Variants in HPSE2 observed in about 807,000 individuals in gnomAD.
HPSE2 encodes the protein heparanase 2 (inactive).
A neutral mutation model predicts 60.5 loss-of-function variants in HPSE2; 38 were observed. The ratio of observed to expected loss-of-function variants is 0.63; its 90% CI spans 0.48 to 0.82. The LOEUF (loss-of-function observed/expected upper bound fraction) is 0.82, where lower values mean the gene tolerates loss of function less well. Ranked by LOEUF, HPSE2 falls within the 40% of genes least tolerant of loss-of-function variation. The probability of loss-of-function intolerance (pLI) is 0.00; values close to 1 mark genes in which losing one functional copy is unlikely to be tolerated. For synonymous variants in HPSE2, 295 were observed against 293.2 expected (o/e 1.01, Z -0.06); for missense variants, 713 against 740.4 (o/e 0.96, Z 0.43).
chr10:99,129,528 A>G (rs1263468853), intron 3 of HPSE2, among the ~76,000 whole-genome samples: 1 of 152,126 alleles, frequency 6.6e-6, no homozygotes, highest in Non-Finnish European at 1.5e-5. Context: ...CTGCTCTTGA[A>G]TGATCTTTGG....
intron 3 of HPSE2, among the ~76,000 whole-genome samples, chr10:98,913,388 T>C (rs1396620223): frequency 2.6e-5 from 4 of 152,226 alleles, no homozygotes; most frequent in Non-Finnish European, 5.9e-5. Flanking sequence ...AATAGAACTG[T>C]TGAGATCGAT....
rs200747591 is a variant in HPSE2, at chr10:99,235,753, C to A, written c.50G>T (p.Arg17Leu). 1.9e-6 allele frequency: 3 copies of A among 1,613,734 alleles called. No homozygotes were observed. The change falls in exon 1 of 12, where the codon CGC becomes CTC. Residue 17 changes from arginine (R) to leucine (L), a missense_variant. By Grantham distance (102) the Arg-to-Leu change is moderately radical. Transcript: ENST00000370552. ...CCCCGGGGCTAGGCACGCGGGGGGG[C>A]GGGAGTTGCTGGAGGGCATGGCTTC... is the stretch of plus-strand genomic sequence containing the variant. ...FPEAMPSSNS[R>L]PPACLAPGAL...
chr10:99,048,193 C>G lies in HPSE2; in HGVS notation c.610+96045G>C. The G allele has an allele frequency of 6.1e-6, 4 of 653,396 alleles. No homozygotes were observed. In the South Asian group the frequency reaches 6.2e-5, roughly 10 times the overall value. 40.5% of individuals were successfully genotyped at this position (653,396 alleles called of 1,614,324 possible). A position where few individuals can be genotyped will look rare whatever the true frequency, so the allele number is the denominator to read the frequency against. ...GATCTCTCGGTAAATATGGCATCAT[C>G]TGCACGGAGGATCTGATTCATGAGA... On this transcript the variant is annotated intron_variant, in intron 3 of 11. Transcript: ENST00000370552.
At chr10:99,029,350 G>A (rs1486306384) in intron 3 of HPSE2, among the ~76,000 whole-genome samples, 1 of 152,206 alleles carries the variant, frequency 6.6e-6, no homozygotes, top group Non-Finnish European at 1.5e-5. Context: ...CATGTGCGGT[G>A]ACGAGAGAGT....
At chr10:98,508,134 C>G (rs1227298846) in intron 9 of HPSE2, among the ~76,000 whole-genome samples, 3 of 152,108 alleles carry the variant, frequency 2.0e-5, no homozygotes, top group East Asian at 3.8e-4. Context: ...GAGACACAGA[C>G]AGACATTCTT....
At chr10:99,301,915 T>G in the HPSE2 span, among the ~76,000 whole-genome samples, 1 of 151,668 alleles carries the variant, frequency 6.6e-6, no homozygotes. Flanking sequence ...TGTAAAATTT[T>G]AAACCCTGCT....
At chr10:98,497,978 C>T (rs1941904963) in intron 9 of HPSE2, among the ~76,000 whole-genome samples, 1 of 152,114 alleles carries the variant, frequency 6.6e-6, no homozygotes, top group African/African-American at 2.4e-5. Context: ...TGAGTTTCTG[C>T]ATTAATTTGC....
intron 3 of HPSE2, among the ~76,000 whole-genome samples, chr10:98,781,037 T>C (rs1950453424): frequency 6.6e-6 from 1 of 152,012 alleles, no homozygotes; most frequent in Non-Finnish European, 1.5e-5. Context: ...CTAGAAACAA[T>C]GTCTCTGTGG....
At chr10:98,481,247 A>C (rs942799) in intron 11 of HPSE2, among the ~76,000 whole-genome samples, 103 of 152,348 alleles carry the variant, frequency 6.8e-4, no homozygotes, top group African/African-American at 2.5e-3. Flanking sequence ...TGATCCTCAG[A>C]AAATCACACC....
At chr10:98,894,032 G>A (rs1417854908) in intron 3 of HPSE2, among the ~76,000 whole-genome samples, 1 of 152,124 alleles carries the variant, frequency 6.6e-6, no homozygotes. Context: ...GAAAACATAT[G>A]CCACAGATTG....
chr10:99,276,983 T>A, the HPSE2 span, among the ~76,000 whole-genome samples: 3 of 152,350 alleles, frequency 2.0e-5, no homozygotes, highest in Non-Finnish European at 4.4e-5. Context: ...TATGGTGCTA[T>A]ATTACCCAGT....
chr10:98,928,163 CA>C (rs1954533666), intron 3 of HPSE2, among the ~76,000 whole-genome samples: 1 of 148,280 alleles, frequency 6.7e-6, no homozygotes, highest in Non-Finnish European at 1.5e-5. Flanking sequence ...ACAACCCCAT[CA>C]AAAAGTGGGC....
intron 3 of HPSE2, among the ~76,000 whole-genome samples, chr10:98,771,854 T>C (rs1950248301): frequency 6.6e-6 from 1 of 152,190 alleles, no homozygotes; most frequent in Non-Finnish European, 1.5e-5. Flanking sequence ...TGAGTTGCCC[T>C]GGCAGATGGT....
intron 9 of HPSE2, among the ~76,000 whole-genome samples, chr10:98,611,120 TC>T (rs1411768099): frequency 1.3e-5 from 2 of 151,350 alleles, no homozygotes; most frequent in African/African-American, 4.9e-5. Flanking sequence ...GGAGTGGGAG[TC>T]GAGTGATGAA....
intron 6 of HPSE2, among the ~76,000 whole-genome samples, chr10:98,664,590 A>C (rs1490339404): frequency 8.5e-5 from 13 of 152,210 alleles, no homozygotes; most frequent in African/African-American, 3.1e-4. Context: ...AATGCGCTGA[A>C]ATACAAAAGA....
intron 3 of HPSE2, among the ~76,000 whole-genome samples, chr10:98,817,813 G>C (rs946845945): frequency 1.3e-5 from 2 of 152,200 alleles, no homozygotes; most frequent in Admixed American, 6.5e-5. Flanking sequence ...GCTGAACTTA[G>C]AGATATAGCT....
At position 98,744,035 on chromosome 10, in the gene HPSE2, T is replaced by A. The variant is rs774883949; in HGVS notation, c.632A>T (p.Tyr211Phe). Reference protein sequence around the residue: ...ILTARSLDKLYNFADCSGLHL... With the variant: ...ILTARSLDKLFNFADCSGLHL... Reference sequence around the variant, plus strand: ...GAGTCCAGAGCAATCAGCAAAGTTATAAAGTTTGTCTAGAGACCTGGCTGG... The same window carrying A: ...GAGTCCAGAGCAATCAGCAAAGTTAAAAAGTTTGTCTAGAGACCTGGCTGG... Residue 211 changes from tyrosine to phenylalanine, a missense_variant, in exon 4 of 12, where the codon TAT (tyrosine) becomes TTT (phenylalanine). Coordinates refer to ENST00000370552, the MANE Select transcript of HPSE2 (RefSeq NM_021828.5). The A allele has an allele frequency of 5.6e-6, 9 of 1,614,078 alleles. No individual in the cohort carries two copies. The highest frequency in any genetic ancestry group is 6.8e-6 in the Non-Finnish European group (8 of 1,179,972).
At chr10:99,121,575 C>T (rs139258883) in intron 3 of HPSE2, among the ~76,000 whole-genome samples, 2 of 152,132 alleles carry the variant, frequency 1.3e-5, no homozygotes. Context: ...TACCTTCACT[C>T]GCAGTCAATG....
At chr10:99,091,891 G>T (rs1000187569) in intron 3 of HPSE2, among the ~76,000 whole-genome samples, 2 of 152,094 alleles carry the variant, frequency 1.3e-5, no homozygotes, top group Non-Finnish European at 2.9e-5. Context: ...TTATCTGTGA[G>T]CTTTCAGAAA....
Sources: allele counts gnomAD v4.1 joint callset (sites outside exome capture counted in the v4.1 genomes callset), GRCh38; gene constraint gnomAD v4.1.1; transcripts MANE v1.5; gene names NCBI Gene and HGNC (gene_info 2026-07-23, HGNC 2026-07-21).